Variants in CENPT observed in about 807,000 individuals in gnomAD.
CENPT encodes the protein interphase centromere complex protein 22.
A neutral mutation model predicts 59.7 loss-of-function variants in CENPT; 42 were observed. The observed-to-expected ratio is 0.70, with a 90% confidence interval of 0.55 to 0.91. The LOEUF (loss-of-function observed/expected upper bound fraction) is 0.91. Among genes scored for constraint, CENPT ranks in the 40% least tolerant of loss-of-function variants. The pLI is 0.00. For synonymous variants in CENPT, 295 were observed against 289.6 expected, an observed-to-expected ratio of 1.02 and a Z score of -0.19; for missense variants, 716 against 713.4, an observed-to-expected ratio of 1.00 and a Z score of -0.04.
At chr16:67,838,890 G>A (rs891900313) in intron 1 of CENPT, among the ~76,000 whole-genome samples, 4 of 149,636 alleles carry the variant, frequency 2.7e-5, no homozygotes, top group African/African-American at 7.4e-5. Flanking sequence ...TTGTGCCACT[G>A]CACTCCAGCC....
At chr16:67,839,033 C>T (rs2057747453) in intron 1 of CENPT, among the ~76,000 whole-genome samples, 1 of 151,974 alleles carries the variant, frequency 6.6e-6, no homozygotes, top group South Asian at 2.1e-4. Flanking sequence ...GCCGGATCAC[C>T]TGAGGTCAGA....
intron 1 of CENPT, among the ~76,000 whole-genome samples, chr16:67,845,435 ATG>A (rs1424879080): frequency 6.6e-6 from 1 of 151,958 alleles, no homozygotes; most frequent in Non-Finnish European, 1.5e-5. Context: ...TGGTTGGGGG[ATG>A]GACTGGACCT....
intron 10 of CENPT, 198 bp downstream of exon 10, chr16:67,831,018 C>T: frequency 1.4e-6 from 1 of 708,868 alleles, no homozygotes. Context: ...GATATGGGGC[C>T]CTGGGAGACA....
chr16:67,834,236 T>G, intron 3 of CENPT, 136 bp from the exon 4 acceptor site: 1 of 183,452 alleles, frequency 5.5e-6, no homozygotes. Flanking sequence ...GGCTCTCTCA[T>G]TCCCATCTCC....
intron 10 of CENPT, chr16:67,830,834 T>C: frequency 1.9e-6 from 1 of 520,506 alleles, no homozygotes; most frequent in South Asian, 2.5e-5. Context: ...ACCTCTTCGC[T>C]GCTTGTTCTG....
Position 67,842,464 on chromosome 16 carries a change from CCGCCCGTCGAGGGGCGGGCGGCGGCGT to C in CENPT, c.-492+4910_-492+4936del. ...ATACCACCCAAGGCCTCGCGCGGCG[CCGCCCGTCGAGGGGCGGGCGGCGGCGT>C]AGCCACTGGGCCGTCGAAGAGCGCA... On this transcript the variant is annotated intron_variant, in intron 1 of 15. Transcript: ENST00000562787. The surrounding 1 kb of genome is among the most constrained non-coding windows in gnomAD (Gnocchi z 4.9). The C allele has an allele frequency of 9.3e-7, 1 of 1,078,232 alleles. No homozygotes were observed. The allele number at this position is 1,078,232 out of a possible 1,614,324, so 66.8% of individuals were successfully genotyped here.
chr16:67,828,660 G>C lies in CENPT; in HGVS notation c.1457+7C>G, dbSNP rs372241354. The C allele has an allele frequency of 3.7e-6, 6 of 1,614,022 alleles. No homozygotes were observed. The highest frequency in any genetic ancestry group is 4.2e-6 in the Non-Finnish European group (5 of 1,180,022). Reference sequence around the variant, plus strand: ...TCCTCTCCCTACCCCATGTGCCCAGGACTCACCACTTCTCCACCATCTCAA... The same window carrying C: ...TCCTCTCCCTACCCCATGTGCCCAGCACTCACCACTTCTCCACCATCTCAA... On this transcript the variant is annotated splice_region_variant and intron_variant, in intron 14 of 15. Transcript: ENST00000562787.
intron 1 of CENPT, 84 bp downstream of exon 1, chr16:67,847,317 C>T (rs2057811381): frequency 6.6e-6 from 1 of 152,404 alleles, no homozygotes; most frequent in African/African-American, 2.4e-5. Flanking sequence ...CCCGCCCCGT[C>T]TAGCCTGGCC....
At position 67,828,802 on chromosome 16, in the gene CENPT, G is replaced by T. The variant is rs539100331; in HGVS notation, c.1322C>A (p.Pro441His). The T allele has an allele frequency of 1.4e-4, 226 of 1,596,624 alleles. No individual in the cohort carries two copies. The South Asian group carries it at 2.3e-3, about 16-fold the overall frequency. Residue 441 changes from proline (P) to histidine (H), a missense_variant, in exon 14 of 16, where the codon CCC (proline) becomes CAC (histidine). Transcript: ENST00000562787. ...GGGGCCGGTGGTCCGGGGCCTAGGGGGATGCCTGACCAACAGAGGCTCTGC... is the reference window on the plus strand; with the variant it reads ...GGGGCCGGTGGTCCGGGGCCTAGGGTGATGCCTGACCAACAGAGGCTCTGC... ...EPAEPLLVRH[P>H]PRPRTTGPRP...
At chr16:67,841,045 A>ATT (rs2057758112) in intron 1 of CENPT, among the ~76,000 whole-genome samples, 1 of 119,356 alleles carries the variant, frequency 8.4e-6, no homozygotes, top group African/African-American at 3.0e-5. Flanking sequence ...ATATATATAT[A>ATT]TTAGCCGGGC....
Position 67,833,814 on chromosome 16 carries a change from G to A in CENPT, c.46C>T (p.Leu16=), listed in dbSNP as rs747403388. Residue 16 remains leucine (L), a synonymous_variant, in exon 4 of 16, where the codon CTG becomes TTG. Coordinates refer to ENST00000562787, the MANE Select transcript of CENPT (RefSeq NM_025082.4). ...TCCGCTGTATCCAGCACGCGTCGCA[G>A]CAGCGTGCGCGGCGTGGAGTCGCTG... ...PDSDSTPRTL[L]RRVLDTADPR... 5 of 1,576,906 alleles carry A rather than the reference G, an allele frequency of 3.2e-6. No individual in the cohort carries two copies. Among genetic ancestry groups the A allele is most frequent in the South Asian group, 1.1e-5 (1 of 87,024 alleles).
chr16:67,844,957 T>G (rs2057787818), intron 1 of CENPT, among the ~76,000 whole-genome samples: 1 of 151,900 alleles, frequency 6.6e-6, no homozygotes, highest in Admixed American at 6.6e-5. Flanking sequence ...TCGGGCTGAT[T>G]TTTGTATTTT....
chr16:67,828,764 C>A lies in CENPT; in HGVS notation c.1360G>T (p.Asp454Tyr). 2.5e-6 allele frequency: 4 copies of A among 1,610,944 alleles called. No homozygotes were observed. The highest frequency in any genetic ancestry group is 3.4e-6 in the Non-Finnish European group (4 of 1,179,202). Residue 454 changes from aspartate to tyrosine, a missense_variant, in exon 14 of 16, where the codon GAT (aspartate) becomes TAT (tyrosine). Asp to Tyr is a radical substitution (Grantham distance 160). Transcript: ENST00000562787. ...TGGCTCAGTCCAGCCTTGTGGGGAT[C>A]TTGCCGGGGCCTGGGGCCGGTGGTC... ...PRTTGPRPRQ[D>Y]PHKAGLSHYV...
At chr16:67,840,440 T>C (rs547692662) in intron 1 of CENPT, among the ~76,000 whole-genome samples, 1 of 152,202 alleles carries the variant, frequency 6.6e-6, no homozygotes, top group Non-Finnish European at 1.5e-5. Context: ...ATGTCTTTTG[T>C]GGGAATATGC....
chr16:67,835,428 C>G (rs547296508), intron 2 of CENPT, 110 bp downstream of exon 2: 1 of 152,034 alleles, frequency 6.6e-6, no homozygotes, highest in Admixed American at 6.6e-5. Context: ...CTTTGGGAGG[C>G]TGAGGCGGGC....
At chr16:67,835,420 T>G (rs1041278391) in intron 2 of CENPT, 118 bp downstream of exon 2, 1 of 151,990 alleles carries the variant, frequency 6.6e-6, no homozygotes, top group Non-Finnish European at 1.5e-5. Flanking sequence ...TCCCAGCACT[T>G]TGGGAGGCTG....
chr16:67,837,666 C>T (rs1427879229), intron 1 of CENPT, among the ~76,000 whole-genome samples: 1 of 152,166 alleles, frequency 6.6e-6, no homozygotes, highest in African/African-American at 2.4e-5. Context: ...CAAGATTGCA[C>T]TCCAGCCTGG....
Position 67,842,495 on chromosome 16 carries a change from C to T in CENPT, c.-492+4906G>A. ...GTCGAGGGGCGGGCGGCGGCGTAGCCACTGGGCCGTCGAAGAGCGCAGGAG... is the reference window on the plus strand; with the variant it reads ...GTCGAGGGGCGGGCGGCGGCGTAGCTACTGGGCCGTCGAAGAGCGCAGGAG... On this transcript the variant is annotated intron_variant, in intron 1 of 15. Coordinates refer to ENST00000562787, the MANE Select transcript of CENPT (RefSeq NM_025082.4). The surrounding 1 kb of genome is among the most constrained non-coding windows in gnomAD (Gnocchi z 4.9). 3.6e-6 allele frequency: 5 copies of T among 1,380,782 alleles called. No individual in the cohort carries two copies. The highest frequency in any genetic ancestry group is 4.7e-6 in the Non-Finnish European group (5 of 1,064,558). The allele number at this position is 1,380,782 out of a possible 1,614,324, so 85.5% of individuals were successfully genotyped here. A position where few individuals can be genotyped will look rare whatever the true frequency, so the allele number is the denominator to read the frequency against.
At chr16:67,840,549 G>T (rs1249291349) in intron 1 of CENPT, among the ~76,000 whole-genome samples, 1 of 144,550 alleles carries the variant, frequency 6.9e-6, no homozygotes, top group Non-Finnish European at 1.5e-5. Context: ...GAGAACTCAT[G>T]AACACAAAGA....
Sources: allele counts gnomAD v4.1 joint callset (sites outside exome capture counted in the v4.1 genomes callset), GRCh38; gene constraint gnomAD v4.1.1; non-coding constraint Gnocchi (gnomAD v3.1); transcripts MANE v1.5; gene names NCBI Gene and HGNC (gene_info 2026-07-23, HGNC 2026-07-21).